SGCD: variants seen among roughly 807,000 people sequenced by gnomAD.
SGCD encodes delta-sarcoglycan.
SGCD carries 18 observed loss-of-function variants against 36.6 expected under a neutral mutation model. That is an observed-to-expected ratio of 0.49 (90% CI 0.34 to 0.73). SGCD has a LOEUF of 0.73. Among genes scored for constraint, SGCD ranks in the 30% least tolerant of loss-of-function variants. The pLI is 0.01. For missense variants in SGCD, 387 were observed against 346.7 expected, an observed-to-expected ratio of 1.12 and a Z score of -0.92; for synonymous variants, 133 against 130.6, an observed-to-expected ratio of 1.02 and a Z score of -0.12.
chr5:156,329,437 T>G, intron 1 of SGCD, 97 bp from the exon 2 acceptor site: 1 of 850,590 alleles, frequency 1.2e-6, no homozygotes, highest in East Asian at 2.5e-5. Context: ...GAAAGCACAT[T>G]TTGTAAGAAT....
chr5:156,592,452 G>A (rs539605615), intron 5 of SGCD, among the ~76,000 whole-genome samples: 1 of 152,122 alleles, frequency 6.6e-6, no homozygotes, highest in Non-Finnish European at 1.5e-5. Flanking sequence ...AAAAACTGAA[G>A]CCAAATCCCT....
chr5:155,810,844 G>GTCTTGC, the SGCD span, among the ~76,000 whole-genome samples: 5 of 87,298 alleles, frequency 5.7e-5, no homozygotes, highest in Non-Finnish European at 9.8e-5. Context: ...TTGAGACGGA[G>GTCTTGC]TCTTGCTCTG....
At chr5:156,475,923 C>T (rs1451198606) in intron 3 of SGCD, among the ~76,000 whole-genome samples, 1 of 152,174 alleles carries the variant, frequency 6.6e-6, no homozygotes, top group African/African-American at 2.4e-5. Flanking sequence ...ACATTCCTTG[C>T]AGCAGGGTGC....
the SGCD span, among the ~76,000 whole-genome samples, chr5:155,770,775 G>C: frequency 9.7e-4 from 148 of 152,230 alleles, no homozygotes; most frequent in African/African-American, 3.4e-3. Flanking sequence ...CCACATGTCA[G>C]CATGGTATGA....
chr5:156,062,296 T>C (rs1251018647), intron 1 of SGCD, among the ~76,000 whole-genome samples: 43 of 34,422 alleles, frequency 1.2e-3, no homozygotes, highest in African/African-American at 0.01. Context: ...TATTCCATGG[T>C]GTATATGTGC....
At chr5:156,361,459 AG>A (rs1158302256) in intron 3 of SGCD, among the ~76,000 whole-genome samples, 1 of 152,258 alleles carries the variant, frequency 6.6e-6, no homozygotes, top group Non-Finnish European at 1.5e-5. Flanking sequence ...TAGTGAGATT[AG>A]CAATACTTGT....
intron 7 of SGCD, among the ~76,000 whole-genome samples, chr5:156,692,870 A>C (rs1238757921): frequency 1.3e-5 from 2 of 152,210 alleles, no homozygotes; most frequent in African/African-American, 2.4e-5. Flanking sequence ...TTGTAGACAA[A>C]ATTTAGTGTA....
chr5:156,238,004 G>A (rs949847339), intron 3 of SGCD, among the ~76,000 whole-genome samples: 2 of 151,384 alleles, frequency 1.3e-5, no homozygotes, highest in Admixed American at 6.6e-5. Flanking sequence ...CTGTATTGCA[G>A]TGGTGTGATT....
intron 4 of SGCD, among the ~76,000 whole-genome samples, chr5:156,530,246 G>A (rs186376031): frequency 6.6e-6 from 1 of 151,942 alleles, no homozygotes; most frequent in African/African-American, 2.4e-5. Context: ...GTGTAGATAG[G>A]TTTTAGCCCT....
intron 3 of SGCD, among the ~76,000 whole-genome samples, chr5:156,211,255 A>AC (rs1764434218): frequency 6.6e-6 from 1 of 152,132 alleles, no homozygotes; most frequent in Non-Finnish European, 1.5e-5. Context: ...AGACAAACAA[A>AC]AGCTTAGAGA....
chr5:156,307,041 CTTTTT>C (rs71577193), intron 3 of SGCD, among the ~76,000 whole-genome samples: 4 of 124,526 alleles, frequency 3.2e-5, no homozygotes, highest in African/African-American at 6.0e-5. Flanking sequence ...TATAAGTTTT[CTTTTT>C]TTTTTTTTTT....
chr5:156,633,346 G>A (rs1762706707), intron 6 of SGCD, among the ~76,000 whole-genome samples: 1 of 152,212 alleles, frequency 6.6e-6, no homozygotes, highest in South Asian at 2.1e-4. Context: ...CAGAAAAGCA[G>A]TTGTGAGTAG....
At chr5:155,929,154 T>C (rs1757051861) in intron 1 of SGCD, among the ~76,000 whole-genome samples, 1 of 152,204 alleles carries the variant, frequency 6.6e-6, no homozygotes, top group Non-Finnish European at 1.5e-5. Context: ...TTTTTTCTGT[T>C]TTTAATTGTG....
chr5:156,739,345 G>A (rs1195096519), intron 7 of SGCD, among the ~76,000 whole-genome samples: 1 of 152,184 alleles, frequency 6.6e-6, no homozygotes, highest in Non-Finnish European at 1.5e-5. Context: ...AATATTTCCT[G>A]CACGCCTTGA....
At chr5:156,442,860 T>C (rs1309440237) in intron 3 of SGCD, among the ~76,000 whole-genome samples, 1 of 152,194 alleles carries the variant, frequency 6.6e-6, no homozygotes, top group Non-Finnish European at 1.5e-5. Context: ...AGGATGTAGA[T>C]AGTACACTAG....
At chr5:156,542,700 AC>A (rs1758399593) in intron 4 of SGCD, among the ~76,000 whole-genome samples, 1 of 152,188 alleles carries the variant, frequency 6.6e-6, no homozygotes, top group South Asian at 2.1e-4. Context: ...GAGCTGCACG[AC>A]CAGCATTCCT....
chr5:156,350,941 C>T (rs1292900486), intron 3 of SGCD, among the ~76,000 whole-genome samples: 3 of 152,124 alleles, frequency 2.0e-5, no homozygotes, highest in African/African-American at 7.2e-5. Context: ...GTTTGACTTC[C>T]TGTCTCAACC....
intron 6 of SGCD, among the ~76,000 whole-genome samples, chr5:156,597,250 A>G (rs1043026128): frequency 6.6e-6 from 1 of 152,152 alleles, no homozygotes; most frequent in Non-Finnish European, 1.5e-5. Context: ...TAGATGAAAG[A>G]CCAAGATTTC....
chr5:156,730,919 T>C (rs1372149997), intron 7 of SGCD, among the ~76,000 whole-genome samples: 1 of 152,132 alleles, frequency 6.6e-6, no homozygotes, highest in Non-Finnish European at 1.5e-5. Flanking sequence ...TATTTATTTT[T>C]TGACTTTTTA....
Sources: allele counts gnomAD v4.1 joint callset (sites outside exome capture counted in the v4.1 genomes callset), GRCh38; gene constraint gnomAD v4.1.1; transcripts MANE v1.5; gene names NCBI Gene and HGNC (gene_info 2026-07-23, HGNC 2026-07-21).